The following KCNB2 variants were observed in gnomAD, a reference collection of about 807,000 sequenced individuals.
KCNB2 encodes delayed rectifier potassium channel protein.
KCNB2 carries 15 observed loss-of-function variants against 61.5 expected under a neutral mutation model. The observed-to-expected ratio is 0.24, with a 90% CI of 0.16 to 0.38. The LOEUF (loss-of-function observed/expected upper bound fraction) is 0.38. Ranked by LOEUF, KCNB2 falls within the 10% of genes least tolerant of loss-of-function variation. KCNB2 has a pLI of 1.00. For synonymous variants in KCNB2, 457 were observed against 446.0 expected, an observed-to-expected ratio of 1.02 and a Z score of -0.31; for missense variants, 828 against 1,125.2, an observed-to-expected ratio of 0.74 and a Z score of 3.78.
At chr8:72,545,676 G>A (rs532357315) in intron 1 of KCNB2, among the ~76,000 whole-genome samples, 1 of 152,064 alleles carries the variant, frequency 6.6e-6, no homozygotes. Flanking sequence ...GTATCCAAGT[G>A]AAAGGAAGAA....
In KCNB2 at chr8:72,537,590, G is replaced by C. The variant is rs1310776122; in HGVS notation, c.-389G>C. On this transcript the variant is annotated 5_prime_UTR_variant, in exon 1 of 3. Transcript: ENST00000523207. ...GGGGAAGGGGTTGAAGATCGATGAAGATTATTGTTCTTTTAAAGGATGCCT... is the reference window on the plus strand; with the variant it reads ...GGGGAAGGGGTTGAAGATCGATGAACATTATTGTTCTTTTAAAGGATGCCT... 1 of 152,556 alleles carries C rather than the reference G, an allele frequency of 6.6e-6. No homozygotes were observed. The highest frequency in any genetic ancestry group is 1.9e-4 in the East Asian group (1 of 5,176). The allele number at this position is 152,556 out of a possible 1,614,324, so 9.5% of individuals were successfully genotyped here.
intron 2 of KCNB2, among the ~76,000 whole-genome samples, chr8:72,597,695 A>G (rs1807221798): frequency 6.6e-6 from 1 of 152,202 alleles, no homozygotes; most frequent in Non-Finnish European, 1.5e-5. Flanking sequence ...TTTAGCCATA[A>G]TGATGTAGTT....
intron 2 of KCNB2, among the ~76,000 whole-genome samples, chr8:72,747,351 G>C (rs1429986210): frequency 1.3e-5 from 2 of 152,164 alleles, no homozygotes; most frequent in African/African-American, 4.8e-5. Context: ...GACAGTGAGT[G>C]GCCCAGATCG....
At chr8:72,834,677 G>T (rs1809752425) in intron 2 of KCNB2, among the ~76,000 whole-genome samples, 1 of 152,056 alleles carries the variant, frequency 6.6e-6, no homozygotes, top group African/African-American at 2.4e-5. Flanking sequence ...AGTGATCTTG[G>T]TGTCCATACT....
chr8:72,657,772 A>T (rs879489562), intron 2 of KCNB2, among the ~76,000 whole-genome samples: 1 of 152,208 alleles, frequency 6.6e-6, no homozygotes, highest in Non-Finnish European at 1.5e-5. Context: ...TAACAAGAAC[A>T]TTTGCCAATA....
At chr8:72,621,911 C>A (rs1805719012) in intron 2 of KCNB2, among the ~76,000 whole-genome samples, 1 of 152,148 alleles carries the variant, frequency 6.6e-6, no homozygotes. Context: ...ATTCATGTAA[C>A]CTCAAGCATA....
chr8:72,652,408 C>A (rs753693930), intron 2 of KCNB2, among the ~76,000 whole-genome samples: 3 of 152,022 alleles, frequency 2.0e-5, no homozygotes, highest in Non-Finnish European at 4.4e-5. Flanking sequence ...TGGCCTATAT[C>A]CTCTCTTGCC....
intron 2 of KCNB2, among the ~76,000 whole-genome samples, chr8:72,703,084 A>G (rs1191448408): frequency 6.6e-6 from 1 of 152,190 alleles, no homozygotes; most frequent in African/African-American, 2.4e-5. Context: ...TGTAAATATC[A>G]ATGAATGCTT....
intron 2 of KCNB2, among the ~76,000 whole-genome samples, chr8:72,605,320 C>T (rs1373091823): frequency 6.6e-6 from 1 of 152,146 alleles, no homozygotes; most frequent in African/African-American, 2.4e-5. Flanking sequence ...CTGGGCTACA[C>T]TGGGGGCTCC....
intron 1 of KCNB2, among the ~76,000 whole-genome samples, chr8:72,557,625 A>G (rs1023206704): frequency 6.6e-6 from 1 of 152,194 alleles, no homozygotes; most frequent in Non-Finnish European, 1.5e-5. Context: ...GTAGATGAGT[A>G]GTAATCACAC....
chr8:72,667,214 G>A (rs1203018160), intron 2 of KCNB2, among the ~76,000 whole-genome samples: 1 of 152,172 alleles, frequency 6.6e-6, no homozygotes, highest in South Asian at 2.1e-4. Context: ...TGGGCCTGAA[G>A]CATAATAAGC....
chr8:72,576,320 G>A (rs555197575), intron 2 of KCNB2, among the ~76,000 whole-genome samples: 2 of 152,290 alleles, frequency 1.3e-5, no homozygotes, highest in South Asian at 4.1e-4. Flanking sequence ...TTGAGAGTGA[G>A]CGAGCTTAGC....
At chr8:72,808,125 TTTCAC>T (rs1339777408) in intron 2 of KCNB2, among the ~76,000 whole-genome samples, 4 of 152,212 alleles carry the variant, frequency 2.6e-5, no homozygotes, top group Non-Finnish European at 5.9e-5. Flanking sequence ...TTCAATTTGA[TTTCAC>T]TGAATCTTAT....
rs534082426 is a variant in KCNB2, at chr8:72,664,746, G to C, written c.579+96433G>C. Among the ~76,000 whole-genome samples the C allele has an allele frequency of 1.3e-4, 20 of 152,292 alleles. 2 individuals carry two copies. In the South Asian group the frequency reaches 3.9e-3, roughly 30 times the overall value. On this transcript the variant is annotated intron_variant, in intron 2 of 2. Coordinates refer to ENST00000523207, the MANE Select transcript of KCNB2 (RefSeq NM_004770.3). The stretch of plus-strand genomic sequence containing the variant: ...CCTACCCACCCAGTACTGCTTTCCA[G>C]TGAAGAGAAATAGACAAAGTAAATA...
At chr8:72,827,874 G>A (rs1002689198) in intron 2 of KCNB2, among the ~76,000 whole-genome samples, 18 of 151,254 alleles carry the variant, frequency 1.2e-4, no homozygotes, top group Non-Finnish European at 1.8e-4. Context: ...CTCCAATGGC[G>A]TGATCACGGC....
intron 1 of KCNB2, among the ~76,000 whole-genome samples, chr8:72,539,927 A>T (rs1329642016): frequency 6.6e-6 from 1 of 152,180 alleles, no homozygotes; most frequent in Non-Finnish European, 1.5e-5. Flanking sequence ...CACTATGATA[A>T]TAAAAGTGAG....
chr8:72,872,070 G>A (rs1219124531), intron 2 of KCNB2, among the ~76,000 whole-genome samples: 2 of 152,170 alleles, frequency 1.3e-5, no homozygotes. Context: ...CCATGTCCAA[G>A]AACAATGTGC....
intron 2 of KCNB2, among the ~76,000 whole-genome samples, chr8:72,833,027 T>C (rs1280060716): frequency 1.3e-5 from 2 of 152,148 alleles, no homozygotes. Flanking sequence ...CAATAGTAAG[T>C]AAAAGAGATT....
chr8:72,762,817 G>T (rs577366337), intron 2 of KCNB2, among the ~76,000 whole-genome samples: 1 of 150,854 alleles, frequency 6.6e-6, no homozygotes, highest in Non-Finnish European at 1.5e-5. Flanking sequence ...GCACTGAAAA[G>T]CTGACTTTGT....
Sources: allele counts gnomAD v4.1 joint callset (sites outside exome capture counted in the v4.1 genomes callset), GRCh38; gene constraint gnomAD v4.1.1; transcripts MANE v1.5; gene names NCBI Gene and HGNC (gene_info 2026-07-23, HGNC 2026-07-21).